Variants in DUS2 observed in about 807,000 individuals in gnomAD.
DUS2 encodes the protein tRNA-dihydrouridine(20) synthase [NAD(P)+]-like.
DUS2 carries 52 observed loss-of-function variants against 71.3 expected under a neutral mutation model. The observed-to-expected ratio is 0.73, with a 90% CI of 0.58 to 0.92. DUS2 has a LOEUF of 0.92. Among genes scored for constraint, DUS2 ranks in the 40% least tolerant of loss-of-function variants. The pLI, the probability that DUS2 is intolerant of heterozygous loss-of-function variation, is 0.00. For synonymous variants in DUS2, 204 were observed against 227.8 expected (o/e 0.90, Z 0.94); for missense variants, 558 against 622.6 (o/e 0.90, Z 1.10).
intron 3 of DUS2, among the ~76,000 whole-genome samples, chr16:68,044,917 C>T (rs1047506328): frequency 3.3e-5 from 5 of 152,036 alleles, no homozygotes; most frequent in Admixed American, 6.6e-5. Context: ...CTCAGCCTCG[C>T]GAGTAGCTGG....
chr16:68,065,802 CT>C (rs77022946), intron 8 of DUS2, among the ~76,000 whole-genome samples: 559 of 141,664 alleles, frequency 3.9e-3, no homozygotes, highest in Admixed American at 4.6e-3. Flanking sequence ...TTTTTTCTTA[CT>C]TTTTTTTTTT....
Position 68,074,177 on chromosome 16 carries a change from C to T in DUS2, c.932+22C>T, listed in dbSNP as rs114226980. 2,549 of 1,613,678 alleles carry T rather than the reference C, an allele frequency of 1.6e-3. 39 individuals carry two copies. In the African/African-American group the frequency reaches 0.029, roughly 19 times the overall value. ...TTTGGTAAGAGGCACAATAAGATGT[C>T]CATCTGTCCTTGTACGCATTGCCCA... On this transcript the variant is annotated intron_variant, in intron 13 of 16. Coordinates refer to ENST00000565263, the MANE Select transcript of DUS2 (RefSeq NM_017803.5).
At chr16:68,028,271 G>A (rs1291764711) in intron 2 of DUS2, among the ~76,000 whole-genome samples, 4 of 152,036 alleles carry the variant, frequency 2.6e-5, no homozygotes, top group Non-Finnish European at 5.9e-5. Flanking sequence ...TGCTTTCCGT[G>A]TCTTTATACC....
At chr16:68,066,750 C>T in intron 10 of DUS2, 114 bp downstream of exon 10, 1 of 1,009,054 alleles carries the variant, frequency 9.9e-7, no homozygotes. Context: ...ACATATTCAG[C>T]CTACCTCTGC....
At chr16:68,037,883 C>G in intron 2 of DUS2, 123 bp from the exon 3 acceptor site, 1 of 1,029,296 alleles carries the variant, frequency 9.7e-7, no homozygotes, top group Non-Finnish European at 1.4e-6. Flanking sequence ...ACATAAACAA[C>G]CAACCAAAAG....
At chr16:68,044,284 A>G (rs2033670689) in intron 3 of DUS2, among the ~76,000 whole-genome samples, 1 of 151,956 alleles carries the variant, frequency 6.6e-6, no homozygotes, top group Admixed American at 6.6e-5. Flanking sequence ...TGGGATTTTG[A>G]TGGAGTTTGC....
At chr16:68,070,573 C>T (rs987355163) in intron 11 of DUS2, among the ~76,000 whole-genome samples, 2 of 152,180 alleles carry the variant, frequency 1.3e-5, no homozygotes, top group African/African-American at 2.4e-5. Context: ...TTGACTTAGC[C>T]CTCAGTGAAC....
chr16:68,054,840 C>T (rs113500086), intron 6 of DUS2, among the ~76,000 whole-genome samples: 24 of 152,124 alleles, frequency 1.6e-4, no homozygotes, highest in African/African-American at 4.1e-4. Flanking sequence ...GTCAAGAGAT[C>T]GAGACCATCT....
At position 68,034,865 on chromosome 16, in the gene DUS2, G is replaced by A. The variant is rs147014076; in HGVS notation, c.-18-3141G>A. Among the ~76,000 whole-genome samples, 1,086 of 152,170 alleles carry A rather than the reference G, an allele frequency of 7.1e-3. 12 individuals are homozygous for A. Among genetic ancestry groups the A allele is most frequent in the Middle Eastern group, 0.027 (8 of 294 alleles). On this transcript the variant is annotated intron_variant, in intron 2 of 16. Transcript: ENST00000565263. The stretch of plus-strand genomic sequence containing the variant: ...ACAAAAATTAGCTGGGCATGGTGGC[G>A]CATGCCTGTAGTGCCAGCTACTCTA...
In DUS2 at chr16:68,076,700, C is replaced by T; in HGVS notation, c.1151C>T (p.Ala384Val). The T allele has an allele frequency of 6.2e-7, 1 of 1,613,942 alleles. No individual in the cohort carries two copies. Among genetic ancestry groups the T allele is most frequent in the East Asian group, 2.2e-5 (1 of 44,864 alleles). ...GAGTGGTGCCGGAGGGAGAAGTTGG[C>T]ACAGCCTGTGTATGAAACGGTGAGT... ...LLEWCRREKL[A>V]QPVYETVQRP... is the part of the protein sequence containing the mutation. The change falls in exon 15 of 17, where the codon GCA becomes GTA. Residue 384 changes from alanine (A) to valine (V), a missense_variant. Coordinates refer to ENST00000565263, the MANE Select transcript of DUS2 (RefSeq NM_017803.5).
chr16:68,025,339 A>C (rs80182276), intron 1 of DUS2, 76 bp from the exon 2 acceptor site: 2 of 140,408 alleles, frequency 1.4e-5, no homozygotes, highest in African/African-American at 5.2e-5. Flanking sequence ...ACTCTGTCTC[A>C]AAAAAAAAAA....
chr16:68,077,388 A>T (rs570239154), intron 15 of DUS2: 6 of 151,428 alleles, frequency 4.0e-5, no homozygotes, highest in Non-Finnish European at 5.9e-5. Context: ...TAATTATTTA[A>T]TTATTTATTT....
At chr16:68,053,989 T>A (rs1027235708) in intron 5 of DUS2, 2 of 252,614 alleles carry the variant, frequency 7.9e-6, no homozygotes, top group Non-Finnish European at 1.5e-5. Flanking sequence ...TTATGTAGTG[T>A]GTATATATTT....
intron 8 of DUS2, among the ~76,000 whole-genome samples, chr16:68,063,679 A>G (rs1370240033): frequency 1.3e-5 from 2 of 152,126 alleles, no homozygotes; most frequent in African/African-American, 4.8e-5. Flanking sequence ...ACTCTGATAT[A>G]TGCTCCCTGG....
rs1285448059 is a variant in DUS2 at position 68,078,228 on chromosome 16, T to C, written c.1171-217T>C. 3 of 586,500 alleles carry C rather than the reference T, an allele frequency of 5.1e-6. No homozygotes were observed. The African/African-American group carries it at 5.6e-5, about 11-fold the overall frequency. The allele number at this position is 586,500 out of a possible 1,614,324, so 36.3% of individuals were successfully genotyped here. On this transcript the variant is annotated intron_variant, in intron 15 of 16. Coordinates refer to ENST00000565263, the MANE Select transcript of DUS2 (RefSeq NM_017803.5). The stretch of plus-strand genomic sequence containing the variant: ...TGCAGCTAAGGGCTCTGCTGCGCTT[T>C]GCTTAGGTCTGTGACAGCTCCAGAC...
chr16:68,066,726 C>A, intron 10 of DUS2, 90 bp downstream of exon 10: 1 of 1,295,330 alleles, frequency 7.7e-7, no homozygotes, highest in Non-Finnish European at 1.1e-6. Context: ...CAAGTGACAG[C>A]CAATTTCTCT....
rs189608879 is a variant in DUS2, at chr16:68,048,075, G to A, written c.127-1430G>A. On this transcript the variant is annotated intron_variant, in intron 3 of 16. Coordinates refer to ENST00000565263, the MANE Select transcript of DUS2 (RefSeq NM_017803.5). Reference sequence around the variant, plus strand: ...AGGGATTACAGACATAAGCCATCATGTCTGGCCAGGGTTTGTTGTTGTTTG... The same window carrying A: ...AGGGATTACAGACATAAGCCATCATATCTGGCCAGGGTTTGTTGTTGTTTG... 1.2e-3 allele frequency among the ~76,000 whole-genome samples: 183 copies of A among 152,228 alleles called. 2 individuals carry two copies. The highest frequency in any genetic ancestry group is 0.01 in the Middle Eastern group (3 of 294).
intron 2 of DUS2, among the ~76,000 whole-genome samples, chr16:68,036,820 T>C (rs761564314): frequency 3.3e-5 from 5 of 152,182 alleles, no homozygotes; most frequent in Non-Finnish European, 5.9e-5. Flanking sequence ...GACCTTTGCA[T>C]TGGTTATTTC....
chr16:68,073,914 A>G, intron 12 of DUS2, 120 bp from the exon 13 acceptor site: 1 of 1,268,630 alleles, frequency 7.9e-7, no homozygotes, highest in Non-Finnish European at 1.1e-6. Context: ...TATGGGGGTC[A>G]CATTGCCTTG....
Sources: gnomAD v4.1 joint callset for allele counts (sites outside exome capture counted in the v4.1 genomes callset) on GRCh38, gnomAD v4.1.1 for gene constraint, MANE v1.5 for transcripts, NCBI Gene and HGNC (gene_info 2026-07-23, HGNC 2026-07-21) for gene names.